CCDC125: variants seen among roughly 807,000 people sequenced by gnomAD.
CCDC125 encodes coiled-coil domain containing 125, also known as coiled-coil domain-containing protein 125.
CCDC125 carries 43 observed loss-of-function variants against 57.4 expected under a neutral mutation model. That is an observed-to-expected ratio of 0.75 (90% CI 0.59 to 0.97). CCDC125 has a LOEUF of 0.97. Among genes scored for constraint, CCDC125 ranks in the 50% least tolerant of loss-of-function variants. CCDC125 has a pLI of 0.00. For missense variants in CCDC125, 563 were observed against 595.7 expected, an observed-to-expected ratio of 0.95 and a Z score of 0.57; for synonymous variants, 187 against 195.2, an observed-to-expected ratio of 0.96 and a Z score of 0.35.
chr5:69,302,755 A>G (rs1174482758), intron 7 of CCDC125, among the ~76,000 whole-genome samples: 1 of 151,898 alleles, frequency 6.6e-6, no homozygotes, highest in African/African-American at 2.4e-5. Context: ...TAAATATCTT[A>G]TTATCCTTGC....
downstream of CCDC125, chr5:69,280,074 C>T (rs1406944719): frequency 6.6e-6 from 1 of 152,070 alleles, no homozygotes; most frequent in Non-Finnish European, 1.5e-5. Context: ...CCACCAAGTC[C>T]CTCCTTCAAC....
chr5:69,318,943 CTT>C (rs766942800), intron 2 of CCDC125, among the ~76,000 whole-genome samples: 8 of 142,844 alleles, frequency 5.6e-5, no homozygotes, highest in Non-Finnish European at 3.1e-5. Context: ...GGTTTTTTTT[CTT>C]TTTTTTTTTT....
the CCDC125 span, among the ~76,000 whole-genome samples, chr5:69,273,220 A>G: frequency 6.6e-6 from 1 of 152,178 alleles, no homozygotes; most frequent in East Asian, 1.9e-4. Flanking sequence ...TAAGACTGAG[A>G]TTAAATTATA....
At chr5:69,278,902 T>C (rs1338968105), downstream of CCDC125, among the ~76,000 whole-genome samples, 18 of 150,708 alleles carry the variant, frequency 1.2e-4, no homozygotes, top group Admixed American at 1.2e-3. Context: ...AGTCTTGCTC[T>C]GTTGCCCAGG....
intron 2 of CCDC125, among the ~76,000 whole-genome samples, chr5:69,318,051 G>A (rs139108751): frequency 3.6e-5 from 5 of 140,816 alleles, no homozygotes; most frequent in East Asian, 4.3e-4. Flanking sequence ...GTGCGATCTC[G>A]GCTCACTGCA....
At chr5:69,307,764 C>T (rs1757563814) in intron 5 of CCDC125, 187 bp downstream of exon 5, 3 of 560,800 alleles carry the variant, frequency 5.3e-6, no homozygotes, top group Non-Finnish European at 9.5e-6. Flanking sequence ...ATAAAAATAA[C>T]CTGAATTCAT....
At position 69,292,345 on chromosome 5, in the gene CCDC125, C is replaced by G; in HGVS notation, c.942G>C (p.Lys314Asn). 6.2e-7 allele frequency: 1 copy of G among 1,611,898 alleles called. No homozygotes were observed. Among genetic ancestry groups the G allele is most frequent in the Non-Finnish European group, 8.5e-7 (1 of 1,179,522 alleles). ...CCATCACGTAAGCTTCTTCTTTACTCTTCTGCAAAATTTCCAACTGATTTT... is the reference window on the plus strand; with the variant it reads ...CCATCACGTAAGCTTCTTCTTTACTGTTCTGCAAAATTTCCAACTGATTTT... ...QLKQELEILQ[K>N]SKEEAYVMAD... Residue 314 changes from lysine to asparagine, a missense_variant, in exon 10 of 12, where the codon AAG (lysine) becomes AAC (asparagine). Coordinates refer to ENST00000396496, the MANE Select transcript of CCDC125 (RefSeq NM_176816.5).
chr5:69,294,953 G>C, intron 8 of CCDC125, 53 bp from the exon 9 acceptor site: 1 of 1,467,334 alleles, frequency 6.8e-7, no homozygotes, highest in South Asian at 1.2e-5. Context: ...TGTTTTAGCT[G>C]CACACAAACA....
chr5:69,315,930 T>A (rs1312819399), intron 2 of CCDC125, among the ~76,000 whole-genome samples: 36 of 118,050 alleles, frequency 3.0e-4, no homozygotes, highest in African/African-American at 7.6e-4. Flanking sequence ...TCAACGGCAG[T>A]AAAAAAAAAA....
chr5:69,311,746 G>T (rs1486664734), intron 3 of CCDC125, among the ~76,000 whole-genome samples: 6 of 150,894 alleles, frequency 4.0e-5, no homozygotes, highest in South Asian at 4.3e-4. Context: ...AACCAGGAAG[G>T]TCTCTGAGAC....
intron 11 of CCDC125, 136 bp from the exon 12 acceptor site, chr5:69,283,170 A>G: frequency 1.6e-6 from 1 of 635,596 alleles, no homozygotes; most frequent in East Asian, 2.8e-5. Flanking sequence ...GTATGAATAA[A>G]TTAGGTATCA....
rs748111510 is a variant in CCDC125 at position 69,292,162 on chromosome 5, T to G, written c.1099+26A>C. On this transcript the variant is annotated intron_variant, in intron 10 of 11. Transcript: ENST00000396496. Reference sequence around the variant, plus strand: ...ACAAAACAACTAAAATTACACCCACTTATTGCCATTATAATTCATAGTTAC... The same window carrying G: ...ACAAAACAACTAAAATTACACCCACGTATTGCCATTATAATTCATAGTTAC... The G allele has an allele frequency of 1.3e-5, 20 of 1,584,428 alleles. No homozygotes were observed. The African/African-American group carries it at 2.7e-4, about 21-fold the overall frequency.
intron 10 of CCDC125, among the ~76,000 whole-genome samples, chr5:69,286,381 G>T (rs1248132611): frequency 2.7e-5 from 4 of 150,782 alleles, no homozygotes; most frequent in Admixed American, 6.6e-5. Flanking sequence ...ACAGGCGCCC[G>T]CCACCACGTC....
intron 1 of CCDC125, among the ~76,000 whole-genome samples, chr5:69,325,608 G>A (rs1171123454): frequency 6.6e-6 from 1 of 150,988 alleles, no homozygotes; most frequent in Non-Finnish European, 1.5e-5. Flanking sequence ...GGCGGATCAC[G>A]AGGTCAAGAG....
intron 1 of CCDC125, among the ~76,000 whole-genome samples, chr5:69,321,882 G>A (rs1418733753): frequency 6.6e-6 from 1 of 152,100 alleles, no homozygotes; most frequent in Non-Finnish European, 1.5e-5. Flanking sequence ...TGTTGCCCAG[G>A]CTAGAGTGTG....
the CCDC125 span, among the ~76,000 whole-genome samples, chr5:69,275,076 A>AAC: frequency 6.6e-6 from 1 of 152,154 alleles, no homozygotes; most frequent in East Asian, 1.9e-4. Context: ...AAAAAAAAAA[A>AAC]AAAGACAAGC....
At chr5:69,277,075 C>CTT, downstream of CCDC125, 29 of 1,437,084 alleles carry the variant, frequency 2.0e-5, no homozygotes, top group East Asian at 1.0e-4. Context: ...ATGTGAACAA[C>CTT]TTTTTTTTTT....
In CCDC125 at chr5:69,314,022, T is replaced by C. The variant is rs1758594649; in HGVS notation, c.329A>G (p.Asn110Ser). The C allele has an allele frequency of 3.7e-6, 6 of 1,609,954 alleles. No individual in the cohort carries two copies. In the Admixed American group the frequency reaches 8.3e-5, roughly 22 times the overall value. ...STVDSNSELS[N>S]EELRQCLNET... ...ATTAAGACATTGCCTTAATTCTTCA[T>C]TTGACAATTCTGAATTCGAATCTAC... Residue 110 changes from asparagine to serine, a missense_variant, in exon 3 of 12, where the codon AAT (asparagine) becomes AGT (serine). By Grantham distance (46) the Asn-to-Ser change is conservative. Transcript: ENST00000396496.
At chr5:69,319,639 G>A (rs1256249727) in intron 2 of CCDC125, among the ~76,000 whole-genome samples, 3 of 151,530 alleles carry the variant, frequency 2.0e-5, no homozygotes, top group African/African-American at 4.8e-5. Context: ...CTGCTACCAC[G>A]CCCGGCTAAT....
Sources: gnomAD v4.1 joint callset for allele counts (sites outside exome capture counted in the v4.1 genomes callset) on GRCh38, gnomAD v4.1.1 for gene constraint, MANE v1.5 for transcripts, NCBI Gene and HGNC (gene_info 2026-07-23, HGNC 2026-07-21) for gene names.